The following TNS1 variants were observed in gnomAD, a reference collection of about 807,000 sequenced individuals.
TNS1 encodes tensin 1.
In TNS1, 62 loss-of-function variants were observed where a neutral mutation model predicts 168.6. That is an observed-to-expected ratio of 0.37 (90% CI 0.30 to 0.45). The LOEUF (loss-of-function observed/expected upper bound fraction) is 0.45. Among genes scored for constraint, TNS1 ranks in the 20% least tolerant of loss-of-function variants. The pLI is 1.00. For synonymous variants in TNS1, 934 were observed against 933.2 expected (o/e 1.00, Z -0.02); for missense variants, 2,240 against 2,339.4 (o/e 0.96, Z 0.88).
At chr2:218,031,345 G>A (rs1958897367) in intron 1 of TNS1, among the ~76,000 whole-genome samples, 1 of 147,366 alleles carries the variant, frequency 6.8e-6, no homozygotes, top group Admixed American at 6.7e-5. Context: ...GTGTGTGAGT[G>A]TATGAGTGTG....
At chr2:217,872,476 T>C (rs952778640) in intron 18 of TNS1, among the ~76,000 whole-genome samples, 3 of 152,202 alleles carry the variant, frequency 2.0e-5, no homozygotes, top group African/African-American at 7.2e-5. Context: ...CATCAATTCT[T>C]AGGAAAATGC....
Position 217,804,289 on chromosome 2 carries a change from T to TC in TNS1, c.*169_*170insG, listed in dbSNP as rs71057580. 6.8e-5 allele frequency: 48 copies of TC among 700,756 alleles called. No homozygotes were observed. The highest frequency in any genetic ancestry group is 2.2e-4 in the African/African-American group (12 of 54,366). The allele number at this position is 700,756 out of a possible 1,614,324, so 43.4% of individuals were successfully genotyped here. On this transcript the variant is annotated 3_prime_UTR_variant, in exon 33 of 33. Coordinates refer to ENST00000682258, the MANE Select transcript of TNS1 (RefSeq NM_001387777.1). ...CTCTCTCTCTCTCTCTCTCTCTCTC[T>TC]TTTCCCCCTCCCCTCTGCAATTCAC...
At chr2:218,024,778 T>G (rs552369607) in intron 1 of TNS1, among the ~76,000 whole-genome samples, 1 of 152,234 alleles carries the variant, frequency 6.6e-6, no homozygotes, top group Admixed American at 6.5e-5. Flanking sequence ...AAGGGTACAA[T>G]GCCTATTCCT....
At chr2:217,859,466 T>C (rs371329820) in intron 18 of TNS1, 29 of 607,222 alleles carry the variant, frequency 4.8e-5, no homozygotes, top group Non-Finnish European at 7.9e-5. Flanking sequence ...TTCCCAGAGG[T>C]GAACACAGGA....
chr2:217,905,358 C>T (rs959732493), intron 6 of TNS1: 37 of 451,056 alleles, frequency 8.2e-5, no homozygotes, highest in Non-Finnish European at 1.5e-4. Flanking sequence ...GGAGAGGCCC[C>T]ATGCGGTCCA....
chr2:217,971,526 T>C (rs1262200172), intron 3 of TNS1, among the ~76,000 whole-genome samples: 2 of 152,240 alleles, frequency 1.3e-5, no homozygotes, highest in African/African-American at 4.8e-5. Flanking sequence ...AAAGCTGCTA[T>C]GAATATTTGT....
At chr2:218,021,596 G>C (rs913294311) in intron 1 of TNS1, among the ~76,000 whole-genome samples, 1 of 152,216 alleles carries the variant, frequency 6.6e-6, no homozygotes, top group Non-Finnish European at 1.5e-5. Flanking sequence ...TAGGACTCCA[G>C]GGTGGATCCC....
chr2:217,936,349 G>A (rs1030237422), intron 3 of TNS1, among the ~76,000 whole-genome samples: 4 of 152,098 alleles, frequency 2.6e-5, no homozygotes, highest in African/African-American at 9.7e-5. Flanking sequence ...TCCATCCCAG[G>A]GCTGCGTGTG....
chr2:217,828,111 G>T (rs1037152142), intron 22 of TNS1, among the ~76,000 whole-genome samples: 1 of 152,230 alleles, frequency 6.6e-6, no homozygotes, highest in Non-Finnish European at 1.5e-5. Context: ...AGGACCAGCA[G>T]TCAGCCTCCA....
intron 6 of TNS1, 148 bp downstream of exon 6, chr2:217,906,187 A>G: frequency 1.6e-6 from 1 of 609,258 alleles, no homozygotes; most frequent in Non-Finnish European, 2.9e-6. Context: ...GCCTGTAAGG[A>G]AATGGGCCTG....
At chr2:218,014,909 AAGGAAGGAAGGAAGGCAGGC>A (rs1294239507), upstream of TNS1, among the ~76,000 whole-genome samples, 422 of 97,180 alleles carry the variant, frequency 4.3e-3, 3 homozygotes, top group African/African-American at 0.011. Flanking sequence ...GGAAGGAAGG[AAGGAAGGAAGGAAGGCAGGC>A]AGGCAGGCAG....
upstream of TNS1, among the ~76,000 whole-genome samples, chr2:218,005,417 A>G (rs1386028600): frequency 6.6e-6 from 1 of 151,938 alleles, no homozygotes; most frequent in Non-Finnish European, 1.5e-5. Flanking sequence ...CCTCCAGAAT[A>G]CCCCCATCCC....
At chr2:217,958,489 A>T (rs1240213760) in intron 3 of TNS1, among the ~76,000 whole-genome samples, 2 of 152,122 alleles carry the variant, frequency 1.3e-5, no homozygotes, top group African/African-American at 4.8e-5. Context: ...TGGGATGGAG[A>T]ATGACGATGG....
intron 10 of TNS1, 133 bp downstream of exon 10, chr2:217,893,306 C>G: frequency 2.8e-6 from 4 of 1,418,984 alleles, no homozygotes; most frequent in Non-Finnish European, 3.7e-6. Context: ...TACACACAGA[C>G]TTATATGCTC....
chr2:217,906,407 T>C, intron 5 of TNS1, 22 bp from the exon 6 acceptor site: 1 of 702,732 alleles, frequency 1.4e-6, no homozygotes, highest in Non-Finnish European at 2.6e-6. Flanking sequence ...GAAAAGGCAG[T>C]CAGAGAGGGG....
Position 217,849,188 on chromosome 2 carries a change from T to A in TNS1, c.1430-101A>T, listed in dbSNP as rs139826416. 7.1e-6 allele frequency: 10 copies of A among 1,416,460 alleles called. No homozygotes were observed. The African/African-American group carries it at 1.4e-4, about 20-fold the overall frequency. The allele number at this position is 1,416,460 out of a possible 1,614,324, so 87.7% of individuals were successfully genotyped here. A position where few individuals can be genotyped will look rare whatever the true frequency, so the allele number is the denominator to read the frequency against. Reference sequence around the variant, plus strand: ...CAGAGAAAGAAGCTAAGAGCTCCCATGCCCTGCATCCTAAAACCTCCTCTC... The same window carrying A: ...CAGAGAAAGAAGCTAAGAGCTCCCAAGCCCTGCATCCTAAAACCTCCTCTC... On this transcript the variant is annotated intron_variant, in intron 18 of 32. Transcript: ENST00000682258.
At chr2:217,822,076 G>GA in intron 22 of TNS1, 138 bp from the exon 23 acceptor site, 5 of 963,694 alleles carry the variant, frequency 5.2e-6, no homozygotes, top group Non-Finnish European at 7.5e-6. Context: ...GGACAGGCAG[G>GA]GCTCCTGCCT....
chr2:217,928,025 G>C lies in TNS1; in HGVS notation c.187-7789C>G, dbSNP rs569236411. On this transcript the variant is annotated intron_variant, in intron 3 of 32. Coordinates refer to ENST00000682258, the MANE Select transcript of TNS1 (RefSeq NM_001387777.1). ...ACACCATGAGTCCACTAGAACTCAG[G>C]AAGGCCCCAGACAGCCCCCATTCAA... Among the ~76,000 whole-genome samples the C allele has an allele frequency of 1.1e-4, 17 of 152,356 alleles. No homozygotes were observed. In the South Asian group the frequency reaches 3.1e-3, roughly 28 times the overall value.
At chr2:217,811,372 G>A (rs1396070804) in intron 28 of TNS1, among the ~76,000 whole-genome samples, 5 of 152,184 alleles carry the variant, frequency 3.3e-5, no homozygotes, top group Non-Finnish European at 5.9e-5. Flanking sequence ...TGCTATTTAA[G>A]TTGTATTTGA....
Sources: allele counts gnomAD v4.1 joint callset (sites outside exome capture counted in the v4.1 genomes callset), GRCh38; gene constraint gnomAD v4.1.1; transcripts MANE v1.5; gene names NCBI Gene and HGNC (gene_info 2026-07-23, HGNC 2026-07-21).